The following PLXDC2 variants were observed in gnomAD, a reference collection of about 807,000 sequenced individuals.
PLXDC2 encodes the protein plexin domain-containing protein 2.
A neutral mutation model predicts 68.9 loss-of-function variants in PLXDC2; 40 were observed. The observed-to-expected ratio is 0.58, with a 90% CI of 0.45 to 0.76. The LOEUF is 0.76. PLXDC2 is among the 30% of genes least tolerant of loss of function. The pLI, the probability that PLXDC2 is intolerant of heterozygous loss-of-function variation, is 0.00. For synonymous variants in PLXDC2, 243 were observed against 234.2 expected, an observed-to-expected ratio of 1.04 and a Z score of -0.34; for missense variants, 644 against 661.9, an observed-to-expected ratio of 0.97 and a Z score of 0.30.
At chr10:20,120,386 G>T (rs1422832750) in intron 4 of PLXDC2, among the ~76,000 whole-genome samples, 1 of 152,140 alleles carries the variant, frequency 6.6e-6, no homozygotes, top group Non-Finnish European at 1.5e-5. Context: ...AAGACCTTTA[G>T]TCCATTCTAC....
At chr10:19,875,392 C>T (rs2131346237) in intron 1 of PLXDC2, among the ~76,000 whole-genome samples, 1 of 152,216 alleles carries the variant, frequency 6.6e-6, no homozygotes, top group Admixed American at 6.5e-5. Context: ...TCAAGAATAA[C>T]AATCCAAGAG....
intron 4 of PLXDC2, among the ~76,000 whole-genome samples, chr10:20,069,652 C>G (rs1047790689): frequency 6.6e-6 from 1 of 151,868 alleles, no homozygotes; most frequent in Admixed American, 6.6e-5. Flanking sequence ...AAGACTCTAT[C>G]TCTGAAAATA....
chr10:20,013,856 A>G (rs977674641), intron 2 of PLXDC2, among the ~76,000 whole-genome samples: 4 of 152,182 alleles, frequency 2.6e-5, no homozygotes, highest in Non-Finnish European at 5.9e-5. Flanking sequence ...TATTTCTTTT[A>G]CGAGTAAATG....
chr10:20,023,619 T>C (rs570486061), intron 2 of PLXDC2, among the ~76,000 whole-genome samples: 11 of 152,264 alleles, frequency 7.2e-5, no homozygotes, highest in Admixed American at 2.0e-4. Context: ...CCTTCCATCT[T>C]GGACTTCCCA....
At chr10:20,082,290 A>T (rs1055475756) in intron 4 of PLXDC2, among the ~76,000 whole-genome samples, 2 of 151,914 alleles carry the variant, frequency 1.3e-5, no homozygotes, top group Non-Finnish European at 2.9e-5. Context: ...TATTGTTTCA[A>T]AAATTTTGAC....
intron 13 of PLXDC2, among the ~76,000 whole-genome samples, chr10:20,247,494 C>T (rs985543613): frequency 6.6e-6 from 1 of 151,626 alleles, no homozygotes; most frequent in African/African-American, 2.4e-5. Context: ...AAAAAATTTC[C>T]TCCCTTCCCA....
Position 20,285,660 on chromosome 10 carries a change from T to G in PLXDC2, c.*5841T>G, listed in dbSNP as rs1836144131. ...GTTCACTGCAGTCTTACTGACCAGA[T>G]GCAACAGTTGAAGTTTGATTTCTCG... On this transcript the variant is annotated 3_prime_UTR_variant, in exon 14 of 14. Transcript: ENST00000377252. 6.6e-6 allele frequency: 1 copy of G among 152,226 alleles called. No homozygotes were observed. 9.4% of individuals were successfully genotyped at this position (152,226 alleles called of 1,614,324 possible).
intron 1 of PLXDC2, among the ~76,000 whole-genome samples, chr10:19,870,496 C>G (rs141196234): frequency 0.04 from 6,118 of 152,076 alleles, 191 homozygotes; most frequent in East Asian, 0.15. Flanking sequence ...CACAATCTCA[C>G]CTCACTGCAA....
At chr10:19,920,315 T>G (rs961943640) in intron 1 of PLXDC2, among the ~76,000 whole-genome samples, 1 of 152,088 alleles carries the variant, frequency 6.6e-6, no homozygotes, top group Non-Finnish European at 1.5e-5. Context: ...GGACAGGCAT[T>G]TCCTCCCTAA....
intron 1 of PLXDC2, among the ~76,000 whole-genome samples, chr10:19,870,339 C>T (rs74119776): frequency 0.02 from 2,989 of 152,216 alleles, 118 homozygotes; most frequent in African/African-American, 0.068. Context: ...GATGAATTAA[C>T]TGAAATAATG....
rs1343208256 is a variant in PLXDC2 at position 20,080,208 on chromosome 10, C to T, written c.541+11969C>T. ...AGAAAAAGCTAAACAAACTGAAAAT[C>T]AACAATTTCTATTAGACCCATGAGA... On this transcript the variant is annotated intron_variant, in intron 4 of 13. Transcript: ENST00000377252. Among the ~76,000 whole-genome samples, 3 of 152,094 alleles carry T rather than the reference C, an allele frequency of 2.0e-5. No homozygotes were observed. In the East Asian group the frequency reaches 5.8e-4, roughly 29 times the overall value.
intron 1 of PLXDC2, among the ~76,000 whole-genome samples, chr10:19,839,103 T>C (rs866429542): frequency 2.0e-5 from 3 of 151,638 alleles, no homozygotes; most frequent in South Asian, 2.1e-4. Context: ...GGAGAATCCC[T>C]TGAACTTGGG....
chr10:20,277,456 G>A (rs1836024188), intron 13 of PLXDC2, among the ~76,000 whole-genome samples: 2 of 151,992 alleles, frequency 1.3e-5, no homozygotes, highest in African/African-American at 4.8e-5. Context: ...AATTATCTCA[G>A]GCAAGCAAAT....
In PLXDC2 at chr10:20,120,633, C is replaced by A. The variant is rs113359984; in HGVS notation, c.542-22662C>A. On this transcript the variant is annotated intron_variant, in intron 4 of 13. Coordinates refer to ENST00000377252, the MANE Select transcript of PLXDC2 (RefSeq NM_032812.9). ...CCAGTGAAAGTGTCTACCTAGACTA[C>A]GAGGTATTTTAGTTATCTGACTCGG... is the stretch of plus-strand genomic sequence containing the variant. Among the ~76,000 whole-genome samples the A allele has an allele frequency of 8.6e-3, 1,289 of 150,482 alleles. 20 individuals carry two copies. Among genetic ancestry groups the A allele is most frequent in the African/African-American group, 0.03 (1,229 of 41,098 alleles).
intron 4 of PLXDC2, among the ~76,000 whole-genome samples, chr10:20,120,229 A>C (rs1355195475): frequency 6.6e-6 from 1 of 152,210 alleles, no homozygotes; most frequent in Non-Finnish European, 1.5e-5. Flanking sequence ...CTGGGGCCTA[A>C]TAAAAAGAGT....
At chr10:20,074,261 G>C (rs1836394125) in intron 4 of PLXDC2, among the ~76,000 whole-genome samples, 2 of 151,978 alleles carry the variant, frequency 1.3e-5, no homozygotes, top group South Asian at 2.1e-4. Flanking sequence ...TTAAATTTTA[G>C]CTCTATTTTA....
At chr10:19,893,001 A>C (rs974911376) in intron 1 of PLXDC2, among the ~76,000 whole-genome samples, 16 of 150,804 alleles carry the variant, frequency 1.1e-4, no homozygotes, top group African/African-American at 2.7e-4. Flanking sequence ...TCAATTCCAT[A>C]GATATTTAGA....
At chr10:19,906,625 A>C (rs1564625241) in intron 1 of PLXDC2, among the ~76,000 whole-genome samples, 1 of 152,100 alleles carries the variant, frequency 6.6e-6, no homozygotes, top group Non-Finnish European at 1.5e-5. Context: ...TGCATATCAC[A>C]GGTGTGCTCA....
intron 12 of PLXDC2, among the ~76,000 whole-genome samples, chr10:20,228,579 AAAGGCAGG>A (rs1293273169): frequency 1.4e-5 from 2 of 141,432 alleles, no homozygotes; most frequent in Non-Finnish European, 3.1e-5. Context: ...AAATAAGAAA[AAAGGCAGG>A]AAGGCAGGAA....
Sources: gnomAD v4.1 joint callset for allele counts (sites outside exome capture counted in the v4.1 genomes callset) on GRCh38, gnomAD v4.1.1 for gene constraint, MANE v1.5 for transcripts, NCBI Gene and HGNC (gene_info 2026-07-23, HGNC 2026-07-21) for gene names.